Variants in HDLBP observed in about 807,000 individuals in gnomAD.
The protein encoded by HDLBP is vigilin.
A neutral mutation model predicts 137.3 loss-of-function variants in HDLBP; 30 were observed. That is an observed-to-expected ratio of 0.22 (90% confidence interval 0.16 to 0.30). The LOEUF (loss-of-function observed/expected upper bound fraction) is 0.30, where lower values mean the gene tolerates loss of function less well. Among genes scored for constraint, HDLBP ranks in the 10% least tolerant of loss-of-function variants. The pLI is 1.00. For synonymous variants in HDLBP, 606 were observed against 596.0 expected, an observed-to-expected ratio of 1.02 and a Z score of -0.24; for missense variants, 1,119 against 1,667.3, an observed-to-expected ratio of 0.67 and a Z score of 5.73.
chr2:241,267,686 A>T, intron 2 of HDLBP: 1 of 1,535,552 alleles, frequency 6.5e-7, no homozygotes, highest in Non-Finnish European at 8.7e-7. Flanking sequence ...ATCTCGACTT[A>T]ACCAGGTGGT....
chr2:241,248,072 G>A lies in HDLBP; in HGVS notation c.1662C>T (p.Val554=), dbSNP rs2071817053. 6.2e-7 allele frequency: 1 copy of A among 1,614,042 alleles called. No individual in the cohort carries two copies. Residue 554 remains valine, a synonymous_variant, in exon 14 of 28, where the codon GTC becomes GTT. Coordinates refer to ENST00000310931, the MANE Select transcript of HDLBP (RefSeq NM_005336.6). Reference sequence around the variant, plus strand: ...CCTCATTCTTAGGTCCTCTGAGCTGGACAATGTCACTTTTTTGTGCTGGGT... The same window carrying A: ...CCTCATTCTTAGGTCCTCTGAGCTGAACAATGTCACTTTTTTGTGCTGGGT... ...FPDPAQKSDI[V]QLRGPKNEVE...
At chr2:241,231,383 CA>C (rs59422734) in intron 24 of HDLBP, 25,632 of 104,568 alleles carry the variant, frequency 0.25, 2,427 homozygotes, top group African/African-American at 0.32. Flanking sequence ...AACTCCATCT[CA>C]AAAAAAAAAA....
intron 24 of HDLBP, among the ~76,000 whole-genome samples, chr2:241,232,222 C>T (rs1206864391): frequency 6.6e-6 from 1 of 152,162 alleles, no homozygotes; most frequent in African/African-American, 2.4e-5. Context: ...GACTGCTCCA[C>T]CCCACTTGGC....
At chr2:241,236,811 A>G in intron 20 of HDLBP, 42 bp from the exon 21 acceptor site, 3 of 1,602,034 alleles carry the variant, frequency 1.9e-6, no homozygotes, top group Non-Finnish European at 2.6e-6. Flanking sequence ...AGCTGCTGGA[A>G]GAGACCCCAC....
chr2:241,250,014 C>T (rs775571343), intron 11 of HDLBP, 34 bp from the exon 12 acceptor site: 3 of 1,573,258 alleles, frequency 1.9e-6, no homozygotes, highest in Non-Finnish European at 2.6e-6. Context: ...ATTTAGGACA[C>T]AGACCAACAA....
At chr2:241,252,879 T>C (rs1002050139) in intron 11 of HDLBP, 78 bp downstream of exon 11, 26 of 946,250 alleles carry the variant, frequency 2.7e-5, no homozygotes, top group Non-Finnish European at 3.9e-5. Context: ...TGCACGGACG[T>C]CACAGTTCTC....
At chr2:241,296,883 G>A (rs561265611) in intron 1 of HDLBP, among the ~76,000 whole-genome samples, 2 of 152,364 alleles carry the variant, frequency 1.3e-5, no homozygotes, top group African/African-American at 4.8e-5. Flanking sequence ...AGAAGCATAG[G>A]TGTGACAGGT....
intron 1 of HDLBP, among the ~76,000 whole-genome samples, chr2:241,292,641 G>A (rs1415721210): frequency 6.6e-6 from 1 of 152,196 alleles, no homozygotes; most frequent in Non-Finnish European, 1.5e-5. Context: ...ATTTAGAGGT[G>A]ACTAAAAGTC....
At chr2:241,273,853 T>C (rs76722047) in intron 1 of HDLBP, among the ~76,000 whole-genome samples, 6 of 116,194 alleles carry the variant, frequency 5.2e-5, no homozygotes, top group African/African-American at 2.9e-4. Context: ...ATCAGACGTG[T>C]TTTTTTTTTT....
chr2:241,233,685 T>C lies in HDLBP; in HGVS notation c.3288+135A>G, dbSNP rs1383244012. The C allele has an allele frequency of 2.2e-6, 2 of 896,294 alleles. No individual in the cohort carries two copies. The highest frequency in any genetic ancestry group is 3.5e-6 in the Non-Finnish European group (2 of 578,550). 55.5% of individuals were successfully genotyped at this position (896,294 alleles called of 1,614,324 possible). On this transcript the variant is annotated intron_variant, in intron 24 of 27. Transcript: ENST00000310931. The surrounding 1 kb of genome is among the most constrained non-coding windows in gnomAD (Gnocchi z 4.3). ...ACACAGCCCAAACCTCAAGCCAGAA[T>C]TAGGTCCTGAGAGACTTGCCACTCT...
chr2:241,276,579 C>T (rs999294007), intron 1 of HDLBP, among the ~76,000 whole-genome samples: 3 of 152,130 alleles, frequency 2.0e-5, no homozygotes, highest in Admixed American at 1.3e-4. Flanking sequence ...GGCCATTCAA[C>T]AGTCCTAAAC....
In HDLBP at chr2:241,230,241, G is replaced by A; in HGVS notation, c.3503C>T (p.Ala1168Val). 2.5e-6 allele frequency: 4 copies of A among 1,605,938 alleles called. No homozygotes were observed. Among genetic ancestry groups the A allele is most frequent in the Non-Finnish European group, 3.4e-6 (4 of 1,173,506 alleles). ...KVDIRFPQSGAPDPNCVTVTG... is the reference protein window; with the variant it reads ...KVDIRFPQSGVPDPNCVTVTG... ...CACAGTGACGCAGTTGGGGTCTGGG[G>A]CTCCGCTCTGTGGGAAGCGAATGTC... is the stretch of plus-strand genomic sequence containing the variant. The change falls in exon 26 of 28, where the codon GCC becomes GTC. Residue 1168 changes from alanine to valine, a missense_variant. Physicochemically the swap from Ala to Val is moderately conservative, Grantham distance 64 (BLOSUM62 0). Coordinates refer to ENST00000310931, the MANE Select transcript of HDLBP (RefSeq NM_005336.6). The surrounding 1 kb of genome is among the most constrained non-coding windows in gnomAD (Gnocchi z 5.0).
chr2:241,283,092 C>A (rs2074667815), intron 1 of HDLBP, among the ~76,000 whole-genome samples: 1 of 152,256 alleles, frequency 6.6e-6, no homozygotes, highest in Middle Eastern at 3.4e-3. Context: ...GGTAAGAGAG[C>A]GAAACAGCCT....
At chr2:241,241,863 T>C (rs1332132746) in intron 17 of HDLBP, among the ~76,000 whole-genome samples, 1 of 152,224 alleles carries the variant, frequency 6.6e-6, no homozygotes, top group Admixed American at 6.5e-5. Flanking sequence ...TCAAAACTGC[T>C]GAGCTGTCAA....
intron 17 of HDLBP, among the ~76,000 whole-genome samples, chr2:241,241,603 A>T (rs1301709321): frequency 1.8e-5 from 2 of 113,862 alleles, no homozygotes; most frequent in Admixed American, 9.3e-5. Context: ...AAAAAAAAAA[A>T]TCCACAAAAC....
chr2:241,252,071 A>G (rs1314873796), intron 11 of HDLBP, among the ~76,000 whole-genome samples: 2 of 152,216 alleles, frequency 1.3e-5, no homozygotes, highest in Non-Finnish European at 2.9e-5. Context: ...TACACCTGCA[A>G]CCTGGCACAG....
At chr2:241,270,349 T>C (rs2073958910) in intron 1 of HDLBP, among the ~76,000 whole-genome samples, 1 of 152,204 alleles carries the variant, frequency 6.6e-6, no homozygotes, top group African/African-American at 2.4e-5. Context: ...CAGGCTATAC[T>C]GGGTCCCTAG....
rs1001038188 is a variant in HDLBP, at chr2:241,235,390, A to G, written c.3009+100T>C. Reference sequence around the variant, plus strand: ...GAAGTCAGTGCCCAGTCCGAGCAGGAGGAGGCAGAGTCAACAGGAAGTTGA... The same window carrying G: ...GAAGTCAGTGCCCAGTCCGAGCAGGGGGAGGCAGAGTCAACAGGAAGTTGA... On this transcript the variant is annotated intron_variant, in intron 22 of 27. Transcript: ENST00000310931. The G allele has an allele frequency of 4.1e-6, 6 of 1,471,502 alleles. No individual in the cohort carries two copies. The Middle Eastern group carries it at 5.4e-4, about 133-fold the overall frequency. 91.2% of individuals were successfully genotyped at this position (1,471,502 alleles called of 1,614,324 possible).
At position 241,296,029 on chromosome 2, in the gene HDLBP, A is replaced by AT. The variant is rs1302154090; in HGVS notation, c.-103+19540dup. 3.8e-3 allele frequency among the ~76,000 whole-genome samples: 530 copies of AT among 139,362 alleles called. 3 individuals are homozygous for AT. The highest frequency in any genetic ancestry group is 0.032 in the Middle Eastern group (9 of 280). The allele number at this position is 139,362 out of a possible 152,430, so 91.4% of individuals were successfully genotyped here. A position where few individuals can be genotyped will look rare whatever the true frequency, so the allele number is the denominator to read the frequency against. ...GAAAGTAACACAACATCCCAGTAGG[A>AT]TATTTTTTTAACTCTAACAAGGATT... On this transcript the variant is annotated intron_variant, in intron 1 of 27. Coordinates refer to ENST00000310931, the MANE Select transcript of HDLBP (RefSeq NM_005336.6).
Sources: gnomAD v4.1 joint callset for allele counts (sites outside exome capture counted in the v4.1 genomes callset) on GRCh38, gnomAD v4.1.1 for gene constraint, Gnocchi (gnomAD v3.1) non-coding constraint, MANE v1.5 for transcripts, NCBI Gene and HGNC (gene_info 2026-07-23, HGNC 2026-07-21) for gene names.